The following ZNF385D variants were observed in gnomAD, a reference collection of about 807,000 sequenced individuals.
The protein encoded by ZNF385D is zinc finger protein 659.
ZNF385D carries 15 observed loss-of-function variants against 35.8 expected under a neutral mutation model. The observed-to-expected ratio is 0.42, with a 90% confidence interval of 0.28 to 0.64. The LOEUF (loss-of-function observed/expected upper bound fraction) is 0.64. ZNF385D is among the 30% of genes least tolerant of loss of function. ZNF385D has a pLI of 0.23. For synonymous variants in ZNF385D, 212 were observed against 186.8 expected, an observed-to-expected ratio of 1.13 and a Z score of -1.10; for missense variants, 474 against 494.6, an observed-to-expected ratio of 0.96 and a Z score of 0.39.
chr3:21,566,516 G>C (rs1281658017), intron 2 of ZNF385D, among the ~76,000 whole-genome samples: 4 of 152,034 alleles, frequency 2.6e-5, no homozygotes, highest in African/African-American at 9.7e-5. Context: ...TGTAATCCCA[G>C]GTATTCGGGA....
At chr3:21,769,705 A>G (rs1198426535) in intron 3 of ZNF385D, among the ~76,000 whole-genome samples, 3 of 111,672 alleles carry the variant, frequency 2.7e-5, no homozygotes, top group African/African-American at 1.2e-4. Context: ...CAAGCTCCCA[A>G]TGACTTTCTT....
chr3:21,655,528 A>T (rs1438852790), intron 2 of ZNF385D, among the ~76,000 whole-genome samples: 2 of 152,040 alleles, frequency 1.3e-5, no homozygotes, highest in African/African-American at 4.8e-5. Flanking sequence ...GACATTAGAC[A>T]GCATCTTTAC....
chr3:22,153,770 G>A (rs565981693), intron 3 of ZNF385D, among the ~76,000 whole-genome samples: 2 of 151,924 alleles, frequency 1.3e-5, no homozygotes, highest in African/African-American at 4.8e-5. Flanking sequence ...TTTTAGCAAC[G>A]GACTCTGCAT....
intron 3 of ZNF385D, among the ~76,000 whole-genome samples, chr3:22,039,960 G>T (rs937755403): frequency 6.6e-6 from 1 of 152,078 alleles, no homozygotes; most frequent in Non-Finnish European, 1.5e-5. Context: ...TACCTAGCAG[G>T]AGATCAGAAA....
chr3:22,295,268 A>T (rs11917426), intron 2 of ZNF385D, among the ~76,000 whole-genome samples: 8,516 of 152,184 alleles, frequency 0.056, 603 homozygotes, highest in African/African-American at 0.16. Flanking sequence ...ATTAGGACAT[A>T]ATTTTTGCAC....
chr3:21,882,845 C>T (rs1378881621), intron 3 of ZNF385D, among the ~76,000 whole-genome samples: 1 of 151,948 alleles, frequency 6.6e-6, no homozygotes. Flanking sequence ...TACTTGAGCA[C>T]TTTCCCAGTT....
intron 3 of ZNF385D, among the ~76,000 whole-genome samples, chr3:21,759,431 T>C (rs1369621452): frequency 6.6e-6 from 1 of 152,118 alleles, no homozygotes; most frequent in Non-Finnish European, 1.5e-5. Context: ...CCATATTGGA[T>C]GAGATCTCCC....
intron 2 of ZNF385D, among the ~76,000 whole-genome samples, chr3:22,371,882 C>T (rs1334678461): frequency 1.3e-5 from 2 of 152,068 alleles, no homozygotes; most frequent in Non-Finnish European, 2.9e-5. Flanking sequence ...TCTCATCCTG[C>T]CCTCAAAACG....
intron 2 of ZNF385D, among the ~76,000 whole-genome samples, chr3:22,183,363 T>A (rs139035953): frequency 0.013 from 1,907 of 152,250 alleles, 23 homozygotes; most frequent in African/African-American, 0.036. Flanking sequence ...CTTATTTTTT[T>A]AATTTGAGAT....
chr3:21,965,868 GA>G (rs1192851281), intron 3 of ZNF385D, among the ~76,000 whole-genome samples: 1 of 152,118 alleles, frequency 6.6e-6, no homozygotes. Flanking sequence ...AGGAATGGAA[GA>G]AGAAGAGATA....
chr3:21,469,843 T>C (rs938516833), intron 4 of ZNF385D, among the ~76,000 whole-genome samples: 9 of 152,128 alleles, frequency 5.9e-5, no homozygotes, highest in Non-Finnish European at 1.0e-4. Flanking sequence ...AAAAAGCCAA[T>C]AATTGTTTTG....
intron 3 of ZNF385D, among the ~76,000 whole-genome samples, chr3:21,773,337 TA>T (rs1433531513): frequency 6.6e-6 from 1 of 151,810 alleles, no homozygotes; most frequent in African/African-American, 2.4e-5. Context: ...GTTTCTCTTT[TA>T]AAAACAGGAG....
intron 4 of ZNF385D, among the ~76,000 whole-genome samples, chr3:21,456,440 C>T (rs993587910): frequency 6.6e-6 from 1 of 152,036 alleles, no homozygotes; most frequent in Non-Finnish European, 1.5e-5. Context: ...TTTGTAGGGA[C>T]ATGGATGAAG....
At position 22,237,145 on chromosome 3, in the gene ZNF385D, C is replaced by T. The variant is rs555684895; in HGVS notation, c.107-68110G>A. 1.1e-4 allele frequency among the ~76,000 whole-genome samples: 16 copies of T among 152,236 alleles called. No homozygotes were observed. In the South Asian group the frequency reaches 3.3e-3, roughly 32 times the overall value. On this transcript the variant is annotated intron_variant, in intron 2 of 5. Coordinates refer to the ZNF385D transcript ENST00000494108. Reference sequence around the variant, plus strand: ...CCCTGTTTTTCACTTCCACCAGCAACATGTGGGGGTTCCAACCACTCCACG... The same window carrying T: ...CCCTGTTTTTCACTTCCACCAGCAATATGTGGGGGTTCCAACCACTCCACG...
chr3:21,637,062 T>G (rs1400581435), intron 2 of ZNF385D, among the ~76,000 whole-genome samples: 1 of 152,150 alleles, frequency 6.6e-6, no homozygotes, highest in Non-Finnish European at 1.5e-5. Flanking sequence ...CTGTTTATTC[T>G]GCTGACTGTT....
chr3:21,813,781 G>C (rs574867312), intron 3 of ZNF385D, among the ~76,000 whole-genome samples: 6 of 152,282 alleles, frequency 3.9e-5, no homozygotes, highest in African/African-American at 1.4e-4. Flanking sequence ...ACAGTCTGCA[G>C]GATATTATCC....
intron 3 of ZNF385D, among the ~76,000 whole-genome samples, chr3:22,003,800 G>C (rs751196789): frequency 1.3e-4 from 19 of 151,744 alleles, no homozygotes; most frequent in Non-Finnish European, 2.6e-4. Flanking sequence ...CTAGGGGGCA[G>C]AGGCTGCAGT....
At chr3:21,978,906 G>C (rs1694225391) in intron 3 of ZNF385D, among the ~76,000 whole-genome samples, 1 of 151,900 alleles carries the variant, frequency 6.6e-6, no homozygotes, top group African/African-American at 2.4e-5. Flanking sequence ...CCCAAGAAAA[G>C]TAAAATATGT....
In ZNF385D at chr3:21,499,291, T is replaced by A. The variant is rs140382007; in HGVS notation, c.439+11570A>T. On this transcript the variant is annotated intron_variant, in intron 4 of 7. Coordinates refer to ENST00000281523, the MANE Select transcript of ZNF385D (RefSeq NM_024697.3). The stretch of plus-strand genomic sequence containing the variant: ...GGTACATATACACCATGGAATACTA[T>A]GTAAACATTAAAAAAGAACAAGATC... Among the ~76,000 whole-genome samples the A allele has an allele frequency of 2.8e-3, 422 of 152,260 alleles. 1 individual carries two copies. Among genetic ancestry groups the A allele is most frequent in the Middle Eastern group, 0.01 (3 of 294 alleles).
Sources: gnomAD v4.1 joint callset for allele counts (sites outside exome capture counted in the v4.1 genomes callset) on GRCh38, gnomAD v4.1.1 for gene constraint, MANE v1.5 for transcripts, NCBI Gene and HGNC (gene_info 2026-07-23, HGNC 2026-07-21) for gene names.